Variants in ELMO1 observed in about 807,000 individuals in gnomAD.
The protein encoded by ELMO1 is engulfment and cell motility protein 1.
A neutral mutation model predicts 98.9 loss-of-function variants in ELMO1; 26 were observed. That is an observed-to-expected ratio of 0.26 (90% CI 0.19 to 0.36). ELMO1 has a LOEUF of 0.36. Among genes scored for constraint, ELMO1 ranks in the 10% least tolerant of loss-of-function variants. The pLI is 1.00. For synonymous variants in ELMO1, 346 were observed against 346.0 expected, an observed-to-expected ratio of 1.00 and a Z score of 0.00; for missense variants, 627 against 935.2, an observed-to-expected ratio of 0.67 and a Z score of 4.30.
At chr7:37,070,183 T>G (rs945695694) in intron 15 of ELMO1, among the ~76,000 whole-genome samples, 4 of 152,198 alleles carry the variant, frequency 2.6e-5, no homozygotes, top group African/African-American at 9.6e-5. Flanking sequence ...GAGGGAAAAC[T>G]GCCACTGCAT....
At chr7:37,160,618 G>A (rs1789133702) in intron 13 of ELMO1, among the ~76,000 whole-genome samples, 1 of 152,134 alleles carries the variant, frequency 6.6e-6, no homozygotes, top group Non-Finnish European at 1.5e-5. Flanking sequence ...TATGTTGGAG[G>A]TTGGAAGGAA....
chr7:37,067,032 T>G (rs1334141644), intron 15 of ELMO1, among the ~76,000 whole-genome samples: 1 of 152,196 alleles, frequency 6.6e-6, no homozygotes, highest in African/African-American at 2.4e-5. Flanking sequence ...GGGAAACTTT[T>G]GGGGCAGGAA....
intron 5 of ELMO1, chr7:37,269,349 C>G (rs987025827): frequency 6.6e-6 from 1 of 150,560 alleles, no homozygotes; most frequent in African/African-American, 2.4e-5. Context: ...TCAGCATTTT[C>G]AAACTTCCAC....
At chr7:36,883,406 C>A (rs1457572202) in intron 18 of ELMO1, among the ~76,000 whole-genome samples, 1 of 152,156 alleles carries the variant, frequency 6.6e-6, no homozygotes, top group Admixed American at 6.5e-5. Flanking sequence ...TGGCTGGTAT[C>A]ATTTCGATCT....
At chr7:37,395,389 A>G in intron 1 of ELMO1, among the ~76,000 whole-genome samples, 1 of 150,142 alleles carries the variant, frequency 6.7e-6, no homozygotes, top group African/African-American at 2.4e-5. Flanking sequence ...AAAAAAAAAA[A>G]GAGTTGTTCA....
At chr7:37,283,046 TG>T (rs1584915102) in intron 4 of ELMO1, among the ~76,000 whole-genome samples, 2 of 152,314 alleles carry the variant, frequency 1.3e-5, no homozygotes, top group East Asian at 3.9e-4. Flanking sequence ...CTGCAATAAA[TG>T]GTTTGCTCTC....
intron 16 of ELMO1, chr7:36,984,940 T>C: frequency 1.0e-6 from 1 of 985,404 alleles, no homozygotes; most frequent in Non-Finnish European, 1.2e-6. Context: ...TCAGAATGAT[T>C]ATAACTCGTC....
Position 37,133,132 on chromosome 7 carries a change from G to A in ELMO1, c.1189C>T (p.Arg397Trp), listed in dbSNP as rs1475312411. ...CTGAAAAGGGGCTTCTTGCTTACCC[G>A]GATGTAGGCATCTTGGTGGTGCTTG... Reference protein sequence around the residue: ...FAKHHQDAYIRIVLENSSRED... With the variant: ...FAKHHQDAYIWIVLENSSRED... The change falls in exon 14 of 22, where the codon CGG (arginine) becomes TGG (tryptophan). Residue 397 changes from arginine (R) to tryptophan (W), a missense_variant and splice_region_variant. Physicochemically the swap from Arg to Trp is moderately radical, Grantham distance 101. Coordinates refer to ENST00000310758, the MANE Select transcript of ELMO1 (RefSeq NM_014800.11). The A allele has an allele frequency of 1.1e-5, 17 of 1,605,726 alleles. No homozygotes were observed. The highest frequency in any genetic ancestry group is 1.4e-5 in the Non-Finnish European group (16 of 1,176,358).
chr7:36,872,383 A>T (rs1272511800), intron 19 of ELMO1, among the ~76,000 whole-genome samples: 1 of 152,228 alleles, frequency 6.6e-6, no homozygotes, highest in Non-Finnish European at 1.5e-5. Flanking sequence ...GACTATATGG[A>T]GCAGCCCTTT....
intron 13 of ELMO1, among the ~76,000 whole-genome samples, chr7:37,195,764 C>T (rs1290420491): frequency 1.3e-5 from 2 of 152,238 alleles, no homozygotes; most frequent in Non-Finnish European, 2.9e-5. Flanking sequence ...ACTGCAGAGG[C>T]CTCCCTCTTC....
At chr7:37,237,577 A>AAT (rs1389119466) in intron 7 of ELMO1, among the ~76,000 whole-genome samples, 1 of 152,220 alleles carries the variant, frequency 6.6e-6, no homozygotes, top group African/African-American at 2.4e-5. Context: ...GGCGTGAACC[A>AAT]CCATGCCCGG....
At chr7:37,164,515 C>T (rs901149441) in intron 13 of ELMO1, among the ~76,000 whole-genome samples, 28 of 152,076 alleles carry the variant, frequency 1.8e-4, no homozygotes, top group Admixed American at 3.9e-4. Flanking sequence ...GATTTTTGTA[C>T]AAGGTGTAAG....
intron 15 of ELMO1, among the ~76,000 whole-genome samples, chr7:37,095,840 A>G (rs1474381903): frequency 6.6e-6 from 1 of 152,206 alleles, no homozygotes; most frequent in Non-Finnish European, 1.5e-5. Context: ...TGGTATAAAC[A>G]GTCTTTTCTG....
At chr7:36,977,220 A>G (rs1434850514) in intron 16 of ELMO1, among the ~76,000 whole-genome samples, 1 of 152,248 alleles carries the variant, frequency 6.6e-6, no homozygotes, top group Non-Finnish European at 1.5e-5. Context: ...TTGACAGAGC[A>G]TGCCATGTGG....
intron 14 of ELMO1, 117 bp downstream of exon 14, chr7:37,133,013 T>A: frequency 3.3e-6 from 2 of 610,818 alleles, no homozygotes; most frequent in Non-Finnish European, 5.0e-6. Flanking sequence ...TTTAGTTTAC[T>A]AAGAAAGACA....
chr7:37,103,562 A>G (rs368257648), intron 14 of ELMO1, among the ~76,000 whole-genome samples: 2 of 151,858 alleles, frequency 1.3e-5, no homozygotes, highest in East Asian at 3.9e-4. Flanking sequence ...GATACCTAAC[A>G]TTAGGTTATC....
chr7:37,399,061 C>T (rs1803414656), intron 1 of ELMO1, among the ~76,000 whole-genome samples: 2 of 152,198 alleles, frequency 1.3e-5, no homozygotes. Flanking sequence ...CGGCGATCCT[C>T]ACTCTCCTGC....
rs1224929682 is a variant in ELMO1 at position 36,855,022 on chromosome 7, G to A, written c.*529C>T. 1.2e-5 allele frequency: 2 copies of A among 167,942 alleles called. No individual in the cohort carries two copies. Among genetic ancestry groups the A allele is most frequent in the East Asian group, 1.7e-4 (1 of 5,928 alleles). 10.4% of individuals were successfully genotyped at this position (167,942 alleles called of 1,614,324 possible). On this transcript the variant is annotated 3_prime_UTR_variant, in exon 22 of 22. Transcript: ENST00000310758. The surrounding 1 kb of genome is among the most constrained non-coding windows in gnomAD (Gnocchi z 4.2). ...AAGGCAAAAGCAGGGAGAGAGGTGG[G>A]AGGAGATTTGAGCGCAGATCTTAAT...
chr7:37,229,130 G>A (rs555893699), intron 8 of ELMO1, among the ~76,000 whole-genome samples: 1 of 152,074 alleles, frequency 6.6e-6, no homozygotes, highest in Non-Finnish European at 1.5e-5. Context: ...GCAAAATGGT[G>A]GGATGTTTGT....
Sources: gnomAD v4.1 joint callset for allele counts (sites outside exome capture counted in the v4.1 genomes callset) on GRCh38, gnomAD v4.1.1 for gene constraint, Gnocchi (gnomAD v3.1) non-coding constraint, MANE v1.5 for transcripts, NCBI Gene and HGNC (gene_info 2026-07-23, HGNC 2026-07-21) for gene names.